The following GSR variants were observed in gnomAD, a reference collection of about 807,000 sequenced individuals.
GSR encodes glutathione reductase, mitochondrial.
GSR carries 48 observed loss-of-function variants against 56.5 expected under a neutral mutation model. The observed-to-expected ratio is 0.85, with a 90% CI of 0.67 to 1.08. The LOEUF (loss-of-function observed/expected upper bound fraction) is 1.08, where lower values mean the gene tolerates loss of function less well. Among genes scored for constraint, GSR ranks in the 50% least tolerant of loss-of-function variants. The pLI is 0.00. For missense variants in GSR, 694 were observed against 703.3 expected (o/e 0.99, Z 0.15); for synonymous variants, 264 against 270.8 (o/e 0.97, Z 0.25).
intron 4 of GSR, among the ~76,000 whole-genome samples, chr8:30,705,040 T>C (rs184070011): frequency 6.6e-6 from 1 of 152,086 alleles, no homozygotes; most frequent in East Asian, 1.9e-4. Context: ...CCATAAGCTA[T>C]AGTACACACC....
At chr8:30,726,078 GAC>G (rs1804714320) in intron 1 of GSR, among the ~76,000 whole-genome samples, 1 of 152,152 alleles carries the variant, frequency 6.6e-6, no homozygotes. Flanking sequence ...CTTCTGGAGA[GAC>G]AGATTTCTAA....
Position 30,727,642 on chromosome 8 carries a change from T to G in GSR, c.194A>C (p.Tyr65Ser). The change falls in exon 1 of 13, where the codon TAT becomes TCT. Residue 65 changes from tyrosine (Y) to serine (S), a missense_variant. Coordinates refer to ENST00000221130, the MANE Select transcript of GSR (RefSeq NM_000637.5). ...PPPAAGAVAS[Y>S]DYLVIGGGSG... is the part of the protein sequence containing the mutation. ...GCCGCCCCCGATCACCAGGTAGTCA[T>G]AGGAGGCCACGGCGCCAGCAGCGGG... 1 of 1,479,644 alleles carries G rather than the reference T, an allele frequency of 6.8e-7. No individual in the cohort carries two copies. The highest frequency in any genetic ancestry group is 1.3e-5 in the South Asian group (1 of 77,496). The allele number at this position is 1,479,644 out of a possible 1,614,324, so 91.7% of individuals were successfully genotyped here.
At chr8:30,703,861 GAAGA>G (rs1367643241) in intron 4 of GSR, among the ~76,000 whole-genome samples, 1 of 151,044 alleles carries the variant, frequency 6.6e-6, no homozygotes, top group African/African-American at 2.4e-5. Flanking sequence ...AGGAAGGAAA[GAAGA>G]AAGAAGGAAG....
At chr8:30,687,056 C>T (rs909209794) in intron 9 of GSR, among the ~76,000 whole-genome samples, 42 of 151,680 alleles carry the variant, frequency 2.8e-4, no homozygotes, top group East Asian at 7.9e-4. Context: ...AGGCTGGTCT[C>T]GAACTCCTGA....
At chr8:30,722,368 A>G (rs549636516) in intron 1 of GSR, among the ~76,000 whole-genome samples, 1 of 152,294 alleles carries the variant, frequency 6.6e-6, no homozygotes, top group African/African-American at 2.4e-5. Flanking sequence ...CTATCTGTCA[A>G]TATTGCAGGA....
Position 30,712,043 on chromosome 8 carries a change from A to T in GSR, c.333+19T>A, listed in dbSNP as rs1388472550. On this transcript the variant is annotated intron_variant, in intron 2 of 12. Transcript: ENST00000221130. ...AATAGAAAAAGGATTGTAAAGGGAA[A>T]GAGAAATAAAAATTCTACCTTTTTG... 6 of 1,258,352 alleles carry T rather than the reference A, an allele frequency of 4.8e-6. No homozygotes were observed. The Admixed American group carries it at 1.0e-4, about 22-fold the overall frequency. The allele number at this position is 1,258,352 out of a possible 1,614,324, so 77.9% of individuals were successfully genotyped here.
intron 9 of GSR, among the ~76,000 whole-genome samples, chr8:30,685,488 C>T (rs976741272): frequency 2.0e-5 from 3 of 152,018 alleles, no homozygotes; most frequent in Non-Finnish European, 2.9e-5. Context: ...TTCAGACTCC[C>T]AGAAGAAAAG....
At chr8:30,708,468 T>C (rs1191710163) in intron 3 of GSR, among the ~76,000 whole-genome samples, 1 of 152,208 alleles carries the variant, frequency 6.6e-6, no homozygotes, top group Non-Finnish European at 1.5e-5. Context: ...GCTAAATAAA[T>C]AAATTTGCTA....
intron 5 of GSR, 47 bp downstream of exon 5, chr8:30,703,046 C>T (rs1315073859): frequency 6.3e-6 from 10 of 1,596,326 alleles, no homozygotes; most frequent in Admixed American, 1.7e-5. Flanking sequence ...TTGAAAGCAA[C>T]AGTAAACTCC....
chr8:30,698,579 G>C (rs1803624975), intron 6 of GSR, among the ~76,000 whole-genome samples: 1 of 152,164 alleles, frequency 6.6e-6, no homozygotes, highest in Non-Finnish European at 1.5e-5. Context: ...ATCTTCAAGG[G>C]ACATTTTCAC....
chr8:30,692,234 C>T lies in GSR; in HGVS notation c.882+735G>A, dbSNP rs957753781. Among the ~76,000 whole-genome samples, 6 of 107,238 alleles carry T rather than the reference C, an allele frequency of 5.6e-5. No homozygotes were observed. In the Admixed American group the frequency reaches 5.7e-4, roughly 10 times the overall value. The allele number at this position is 107,238 out of a possible 152,430, so 70.4% of individuals were successfully genotyped here. On this transcript the variant is annotated intron_variant, in intron 8 of 12. Transcript: ENST00000221130. ...TTTTTTTTTTTTTGAGATGGACTCT[C>T]GCTCTTGTTGCCCAGGCTGGAATGC... is the stretch of plus-strand genomic sequence containing the variant.
chr8:30,683,209 A>G (rs1024333859), intron 10 of GSR, among the ~76,000 whole-genome samples: 1 of 152,034 alleles, frequency 6.6e-6, no homozygotes, highest in African/African-American at 2.4e-5. Context: ...CGATCCCCCA[A>G]CTTCAGCCTC....
Position 30,679,430 on chromosome 8 carries a change from A to G in GSR, c.*90T>C, listed in dbSNP as rs1456965023. The G allele has an allele frequency of 5.5e-6, 7 of 1,272,870 alleles. No individual in the cohort carries two copies. The highest frequency in any genetic ancestry group is 7.9e-6 in the Non-Finnish European group (7 of 884,900). The allele number at this position is 1,272,870 out of a possible 1,614,324, so 78.8% of individuals were successfully genotyped here. ...GATCCTGATTAAAATAAAGAAATAC[A>G]TAAAACTCAAACAGTAAGTCAATGT... On this transcript the variant is annotated 3_prime_UTR_variant, in exon 13 of 13. Transcript: ENST00000221130.
intron 8 of GSR, among the ~76,000 whole-genome samples, chr8:30,689,783 A>T (rs1446745069): frequency 6.9e-6 from 1 of 144,864 alleles, no homozygotes; most frequent in Non-Finnish European, 1.5e-5. Context: ...TATATATATA[A>T]AATAAATATA....
chr8:30,684,551 T>G (rs559129206), intron 9 of GSR, among the ~76,000 whole-genome samples: 1 of 152,308 alleles, frequency 6.6e-6, no homozygotes, highest in African/African-American at 2.4e-5. Flanking sequence ...AGGTAGTATT[T>G]TATCCACTTT....
intron 10 of GSR, among the ~76,000 whole-genome samples, chr8:30,683,694 G>T (rs1296831441): frequency 6.7e-6 from 1 of 149,230 alleles, no homozygotes; most frequent in Non-Finnish European, 1.5e-5. Context: ...CAGGAAGGTT[G>T]AAACTGCAGT....
chr8:30,712,989 T>C (rs749769236), intron 1 of GSR, among the ~76,000 whole-genome samples: 1 of 151,932 alleles, frequency 6.6e-6, no homozygotes, highest in Non-Finnish European at 1.5e-5. Flanking sequence ...AGTTAATATA[T>C]AGAAATACAC....
intron 1 of GSR, among the ~76,000 whole-genome samples, chr8:30,721,071 G>A (rs991876909): frequency 2.0e-5 from 3 of 152,086 alleles, no homozygotes; most frequent in African/African-American, 7.2e-5. Flanking sequence ...ACTCCAGCCT[G>A]GGCGACAGAG....
At position 30,718,269 on chromosome 8, in the gene GSR, T is replaced by C. The variant is rs1239057457; in HGVS notation, c.307-6181A>G. On this transcript the variant is annotated intron_variant, in intron 1 of 12. Coordinates refer to ENST00000221130, the MANE Select transcript of GSR (RefSeq NM_000637.5). ...GGGGACTGCTGCTCTAGCTGACCTG[T>C]GCATCAGGTTGTTAGAGGGAGCACA... Among the ~76,000 whole-genome samples, 4 of 152,112 alleles carry C rather than the reference T, an allele frequency of 2.6e-5. No individual in the cohort carries two copies. The East Asian group carries it at 7.7e-4, about 29-fold the overall frequency.
Sources: gnomAD v4.1 joint callset for allele counts (sites outside exome capture counted in the v4.1 genomes callset) on GRCh38, gnomAD v4.1.1 for gene constraint, MANE v1.5 for transcripts, NCBI Gene and HGNC (gene_info 2026-07-23, HGNC 2026-07-21) for gene names.